The following RARS1 variants were observed in gnomAD, a reference collection of about 807,000 sequenced individuals.
RARS1 encodes arginine--tRNA ligase, cytoplasmic.
RARS1 carries 75 observed loss-of-function variants against 78.7 expected under a neutral mutation model. The observed-to-expected ratio is 0.95, with a 90% CI of 0.79 to 1.15. The LOEUF (loss-of-function observed/expected upper bound fraction) is 1.15, where lower values mean the gene tolerates loss of function less well. Among genes scored for constraint, RARS1 ranks in the 50% most tolerant of loss-of-function variants. RARS1 has a pLI of 0.00. For synonymous variants in RARS1, 273 were observed against 268.2 expected (o/e 1.02, Z -0.18); for missense variants, 787 against 787.5 (o/e 1.00, Z 0.01).
chr5:168,506,104 G>A lies in RARS1; in HGVS notation c.1141G>A (p.Gly381Ser). ...ATTAACCATAGTAAAATCAGATGGA[G>A]GTTATACCTATGATACATCTGACCT... ...IPLTIVKSDG[G>S]YTYDTSDLAA... The change falls in exon 10 of 15, where the codon GGT (glycine) becomes AGT (serine). Residue 381 changes from glycine (G) to serine (S), a missense_variant. Transcript: ENST00000231572. 1 of 1,603,820 alleles carries A rather than the reference G, an allele frequency of 6.2e-7. No individual in the cohort carries two copies. The highest frequency in any genetic ancestry group is 8.5e-7 in the Non-Finnish European group (1 of 1,174,382).
chr5:168,514,707 C>T (rs1158309154), intron 12 of RARS1, among the ~76,000 whole-genome samples: 1 of 152,144 alleles, frequency 6.6e-6, no homozygotes, highest in East Asian at 1.9e-4. Flanking sequence ...AACTAATCTG[C>T]AGTCCTTATT....
rs745494743 is a variant in RARS1 at position 168,495,268 on chromosome 5, T to G, written c.580-47T>G. The stretch of plus-strand genomic sequence containing the variant: ...CCTCTTAAAAAAATCTTTCTCTCTT[T>G]ATGTTTATGCCCCTCTTAACAGCCT... On this transcript the variant is annotated intron_variant, in intron 5 of 14. Transcript: ENST00000231572. 2.5e-6 allele frequency: 4 copies of G among 1,582,038 alleles called. No individual in the cohort carries two copies. In the South Asian group the frequency reaches 4.6e-5, roughly 18 times the overall value.
At chr5:168,493,121 G>T in intron 3 of RARS1, 1 of 294,054 alleles carries the variant, frequency 3.4e-6, no homozygotes, top group Non-Finnish European at 6.5e-6. Flanking sequence ...GCTGTGTCCA[G>T]GATTGCTGTG....
chr5:168,500,258 G>T (rs1324201563), intron 7 of RARS1, among the ~76,000 whole-genome samples: 1 of 149,492 alleles, frequency 6.7e-6, no homozygotes, highest in African/African-American at 2.5e-5. Context: ...CATCCAAAAT[G>T]GAGATTGGAA....
At position 168,497,584 on chromosome 5, in the gene RARS1, A is replaced by G. The variant is rs557648604; in HGVS notation, c.822+236A>G. The stretch of plus-strand genomic sequence containing the variant: ...TCACAGTTCTGCAGGCTGTACAAGC[A>G]TGGCGCTAGCATCTGCTCAGTTTCT... On this transcript the variant is annotated intron_variant, in intron 7 of 14. Coordinates refer to ENST00000231572, the MANE Select transcript of RARS1 (RefSeq NM_002887.4). Among the ~76,000 whole-genome samples the G allele has an allele frequency of 4.6e-5, 7 of 152,214 alleles. No individual in the cohort carries two copies. In the South Asian group the frequency reaches 1.2e-3, roughly 27 times the overall value.
chr5:168,515,966 C>T (rs972905855), intron 12 of RARS1, among the ~76,000 whole-genome samples: 1 of 152,112 alleles, frequency 6.6e-6, no homozygotes, highest in Admixed American at 6.6e-5. Flanking sequence ...TTGGCAGCCC[C>T]GTACTCTAAA....
At chr5:168,487,209 A>G (rs1757983375) in intron 1 of RARS1, among the ~76,000 whole-genome samples, 2 of 135,268 alleles carry the variant, frequency 1.5e-5, no homozygotes, top group East Asian at 4.9e-4. Context: ...GAAAATACAA[A>G]AAAACTTAAC....
intron 12 of RARS1, 90 bp from the exon 13 acceptor site, chr5:168,516,688 A>G: frequency 7.9e-7 from 1 of 1,265,186 alleles, no homozygotes. Context: ...ATACCATTAG[A>G]TGTTCCCTAC....
intron 6 of RARS1, among the ~76,000 whole-genome samples, chr5:168,496,607 C>T (rs1326522040): frequency 3.3e-5 from 5 of 151,632 alleles, no homozygotes; most frequent in Non-Finnish European, 7.4e-5. Flanking sequence ...CTCATCCTCC[C>T]GAGTAGCTGG....
intron 2 of RARS1, among the ~76,000 whole-genome samples, chr5:168,490,255 A>G (rs1410266710): frequency 6.6e-6 from 1 of 152,160 alleles, no homozygotes; most frequent in East Asian, 1.9e-4. Context: ...CTTTCTCGTT[A>G]TGTCATTCAT....
Position 168,513,683 on chromosome 5 carries a change from TC to T in RARS1, c.1452+2998del, listed in dbSNP as rs372285900. ...CTTCTCTTGTGAAGAGTCTGTTAACTCTTTTGCCCATTTATCATTATTATTA... is the reference window on the plus strand; with the variant it reads ...CTTCTCTTGTGAAGAGTCTGTTAACTTTTTGCCCATTTATCATTATTATTA... On this transcript the variant is annotated intron_variant, in intron 12 of 14. Coordinates refer to ENST00000231572, the MANE Select transcript of RARS1 (RefSeq NM_002887.4). 4.0e-3 allele frequency among the ~76,000 whole-genome samples: 607 copies of T among 152,320 alleles called. 1 individual carries two copies. The highest frequency in any genetic ancestry group is 0.014 in the African/African-American group (577 of 41,584).
chr5:168,508,051 C>T (rs1391369063), intron 11 of RARS1, among the ~76,000 whole-genome samples: 1 of 152,046 alleles, frequency 6.6e-6, no homozygotes, highest in Non-Finnish European at 1.5e-5. Context: ...ACTAAGAAGA[C>T]ACTAAGTCCT....
chr5:168,505,754 T>C (rs1168283935), intron 9 of RARS1, among the ~76,000 whole-genome samples: 15 of 150,014 alleles, frequency 1.0e-4, no homozygotes, highest in Non-Finnish European at 1.5e-5. Flanking sequence ...GAACCAAGTT[T>C]AGTGTTTAAG....
chr5:168,508,789 A>G (rs1033616225), intron 11 of RARS1, among the ~76,000 whole-genome samples: 6 of 151,638 alleles, frequency 4.0e-5, no homozygotes, highest in African/African-American at 1.5e-4. Flanking sequence ...TTCCTTGTAC[A>G]TCTGTTTATT....
chr5:168,507,138 A>G (rs1199986650), intron 11 of RARS1, among the ~76,000 whole-genome samples: 2 of 152,242 alleles, frequency 1.3e-5, no homozygotes, highest in Non-Finnish European at 2.9e-5. Context: ...CTCAGATTTC[A>G]GACACTATTC....
rs1188143915 is a variant in RARS1, at chr5:168,519,046, A to G, written c.1874-35A>G. 5.2e-6 allele frequency: 8 copies of G among 1,550,974 alleles called. No homozygotes were observed. The East Asian group carries it at 1.6e-4, about 31-fold the overall frequency. On this transcript the variant is annotated intron_variant, in intron 14 of 14. Coordinates refer to ENST00000231572, the MANE Select transcript of RARS1 (RefSeq NM_002887.4). ...TTAATAATGATTTTCAAAAAGGAAAACAAGTTAATTAACAACTTTTTTCTA... is the reference window on the plus strand; with the variant it reads ...TTAATAATGATTTTCAAAAAGGAAAGCAAGTTAATTAACAACTTTTTTCTA...
intron 3 of RARS1, 33 bp from the exon 4 acceptor site, chr5:168,493,861 T>C: frequency 6.5e-7 from 1 of 1,537,666 alleles, no homozygotes. Flanking sequence ...CTGAAATCTG[T>C]TGTGTAATGA....
chr5:168,502,733 A>C (rs1045740509), intron 9 of RARS1, among the ~76,000 whole-genome samples: 2 of 151,232 alleles, frequency 1.3e-5, no homozygotes, highest in African/African-American at 4.9e-5. Context: ...CACCACACCC[A>C]GCTAATTTTT....
chr5:168,494,043 A>G (rs555389420), intron 4 of RARS1, 41 bp downstream of exon 4: 4 of 1,497,754 alleles, frequency 2.7e-6, no homozygotes, highest in Non-Finnish European at 3.7e-6. Flanking sequence ...TGTATTGAAC[A>G]TGAGTCCTTT....
Sources: gnomAD v4.1 joint callset for allele counts (sites outside exome capture counted in the v4.1 genomes callset) on GRCh38, gnomAD v4.1.1 for gene constraint, MANE v1.5 for transcripts, NCBI Gene and HGNC (gene_info 2026-07-23, HGNC 2026-07-21) for gene names.